FBXL17: variants seen among roughly 807,000 people sequenced by gnomAD.
FBXL17 encodes the protein F-box and leucine rich repeat protein 17, also known as F-box/LRR-repeat protein 17.
In FBXL17, 22 loss-of-function variants were observed where a neutral mutation model predicts 66.2. That is an observed-to-expected ratio of 0.33 (90% CI 0.24 to 0.47). The LOEUF is 0.47. FBXL17 is among the 20% of genes least tolerant of loss of function. FBXL17 has a pLI of 1.00. For missense variants in FBXL17, 878 were observed against 948.2 expected (o/e 0.93, Z 0.97); for synonymous variants, 474 against 400.5 (o/e 1.18, Z -2.19).
At chr5:108,240,161 C>CT (rs1561483087) in intron 4 of FBXL17, among the ~76,000 whole-genome samples, 2 of 152,080 alleles carry the variant, frequency 1.3e-5, no homozygotes, top group Admixed American at 1.3e-4. Context: ...GAAAAAAACT[C>CT]CTTCTACTTG....
At position 108,040,798 on chromosome 5, in the gene FBXL17, G is replaced by A. The variant is rs184922535; in HGVS notation, c.1746-19797C>T. ...GCTTTGTGGACATGAGGTTTTTACCGTGGAAGTTGACTAAGAGACATTAAA... is the reference window on the plus strand; with the variant it reads ...GCTTTGTGGACATGAGGTTTTTACCATGGAAGTTGACTAAGAGACATTAAA... On this transcript the variant is annotated intron_variant, in intron 6 of 8. Transcript: ENST00000542267. Among the ~76,000 whole-genome samples, 51 of 152,266 alleles carry A rather than the reference G, an allele frequency of 3.3e-4. 1 individual carries two copies. The East Asian group carries it at 9.1e-3, about 27-fold the overall frequency.
Position 107,965,739 on chromosome 5 carries a change from T to C in FBXL17, c.1822+55186A>G, listed in dbSNP as rs535942746. 1.1e-4 allele frequency among the ~76,000 whole-genome samples: 17 copies of C among 152,290 alleles called. No individual in the cohort carries two copies. In the East Asian group the frequency reaches 2.9e-3, roughly 26 times the overall value. On this transcript the variant is annotated intron_variant, in intron 7 of 8. Transcript: ENST00000542267. ...GAGGTATAGCCAGTTGAGGTTATAATGTTAGACACTCTGAATTAGGACCAA... is the reference window on the plus strand; with the variant it reads ...GAGGTATAGCCAGTTGAGGTTATAACGTTAGACACTCTGAATTAGGACCAA...
At chr5:107,939,182 A>G (rs972515311) in intron 7 of FBXL17, among the ~76,000 whole-genome samples, 1 of 152,146 alleles carries the variant, frequency 6.6e-6, no homozygotes, top group African/African-American at 2.4e-5. Context: ...GTATTATGCT[A>G]TTGGACATAG....
In FBXL17 at chr5:108,163,431, T is replaced by C. The variant is rs1438543523; in HGVS notation, c.1745+22686A>G. 4.7e-5 allele frequency among the ~76,000 whole-genome samples: 7 copies of C among 147,800 alleles called. No homozygotes were observed. The East Asian group carries it at 1.0e-3, about 21-fold the overall frequency. ...TTTTTTTTTTTTTGAGACAGAGTCTTGGTCTGTCGCCCAGGCTGGAGTGCA... is the reference window on the plus strand; with the variant it reads ...TTTTTTTTTTTTTGAGACAGAGTCTCGGTCTGTCGCCCAGGCTGGAGTGCA... On this transcript the variant is annotated intron_variant, in intron 6 of 8. Coordinates refer to ENST00000542267, the MANE Select transcript of FBXL17 (RefSeq NM_001163315.3).
chr5:107,911,724 T>C (rs981980138), intron 7 of FBXL17, among the ~76,000 whole-genome samples: 15 of 152,110 alleles, frequency 9.9e-5, no homozygotes, highest in African/African-American at 3.4e-4. Flanking sequence ...ATTAAATTCT[T>C]CTAAAAGCCA....
intron 4 of FBXL17, among the ~76,000 whole-genome samples, chr5:108,319,661 A>G (rs1163625734): frequency 6.6e-6 from 1 of 151,776 alleles, no homozygotes; most frequent in Non-Finnish European, 1.5e-5. Context: ...CAAAAATCTA[A>G]AAGTTATTAT....
chr5:107,946,933 A>G (rs540720571), intron 7 of FBXL17, among the ~76,000 whole-genome samples: 1 of 152,228 alleles, frequency 6.6e-6, no homozygotes, highest in Admixed American at 6.5e-5. Context: ...TTTTTTTCAT[A>G]TACCTTTTTG....
At chr5:108,373,054 G>A (rs1234502305) in intron 1 of FBXL17, among the ~76,000 whole-genome samples, 1 of 150,904 alleles carries the variant, frequency 6.6e-6, no homozygotes, top group Non-Finnish European at 1.5e-5. Flanking sequence ...AAACTAAACT[G>A]GTATTAATTC....
At chr5:108,232,805 A>ATAT (rs70996987) in intron 4 of FBXL17, among the ~76,000 whole-genome samples, 12 of 105,136 alleles carry the variant, frequency 1.1e-4, no homozygotes, top group East Asian at 2.6e-4. Context: ...ATATATATAT[A>ATAT]ATATATACTA....
chr5:107,963,254 G>A (rs1426997857), intron 7 of FBXL17, among the ~76,000 whole-genome samples: 1 of 152,096 alleles, frequency 6.6e-6, no homozygotes, highest in African/African-American at 2.4e-5. Flanking sequence ...TACATTGAGG[G>A]CCTATTGTGA....
intron 7 of FBXL17, 57 bp from the exon 8 acceptor site, chr5:107,881,236 T>C (rs1371243910): frequency 8.1e-6 from 8 of 983,638 alleles, no homozygotes; most frequent in Non-Finnish European, 1.2e-5. Context: ...GAGCTCTATC[T>C]TATTATGACT....
intron 6 of FBXL17, among the ~76,000 whole-genome samples, chr5:108,057,826 T>C (rs1441441605): frequency 6.6e-6 from 1 of 152,166 alleles, no homozygotes; most frequent in Non-Finnish European, 1.5e-5. Flanking sequence ...TCAATAATAA[T>C]TTTACCACTA....
chr5:107,883,111 A>AT (rs1748846979), intron 7 of FBXL17, among the ~76,000 whole-genome samples: 1 of 152,156 alleles, frequency 6.6e-6, no homozygotes, highest in Admixed American at 6.5e-5. Context: ...GCTCTAGAGC[A>AT]TTTTTGCCAA....
chr5:107,932,714 A>G (rs561020568), intron 7 of FBXL17, among the ~76,000 whole-genome samples: 1 of 152,316 alleles, frequency 6.6e-6, no homozygotes, highest in Non-Finnish European at 1.5e-5. Flanking sequence ...TCTAAATAAG[A>G]GTTATTACCT....
chr5:108,292,728 C>A (rs2150164584), intron 4 of FBXL17, among the ~76,000 whole-genome samples: 1 of 152,312 alleles, frequency 6.6e-6, no homozygotes, highest in South Asian at 2.1e-4. Context: ...CCATTAATGT[C>A]TTTCTCCTCC....
In FBXL17 at chr5:108,050,360, C is replaced by T. The variant is rs182101444; in HGVS notation, c.1746-29359G>A. Among the ~76,000 whole-genome samples, 7 of 152,318 alleles carry T rather than the reference C, an allele frequency of 4.6e-5. No individual in the cohort carries two copies. In the East Asian group the frequency reaches 1.3e-3, roughly 29 times the overall value. On this transcript the variant is annotated intron_variant, in intron 6 of 8. Coordinates refer to ENST00000542267, the MANE Select transcript of FBXL17 (RefSeq NM_001163315.3). ...GCAAAAGAACTGAAATCATAACAAA[C>T]ATCCTCTCAGACCACAGTGCAATCA...
At chr5:108,039,819 CA>C (rs1217789186) in intron 6 of FBXL17, among the ~76,000 whole-genome samples, 1 of 151,880 alleles carries the variant, frequency 6.6e-6, no homozygotes, top group African/African-American at 2.4e-5. Flanking sequence ...ATATAGTCCC[CA>C]TCTCAAAGAT....
intron 4 of FBXL17, among the ~76,000 whole-genome samples, chr5:108,279,475 C>A (rs1168569384): frequency 6.6e-6 from 1 of 151,842 alleles, no homozygotes; most frequent in Non-Finnish European, 1.5e-5. Flanking sequence ...CACAATCACA[C>A]ACAGACTTCA....
chr5:107,894,125 C>T (rs868113026), intron 7 of FBXL17, among the ~76,000 whole-genome samples: 9 of 152,114 alleles, frequency 5.9e-5, no homozygotes, highest in South Asian at 2.1e-4. Context: ...AGACCTCTCA[C>T]GGTATCTAAT....
Sources: allele counts gnomAD v4.1 joint callset (sites outside exome capture counted in the v4.1 genomes callset), GRCh38; gene constraint gnomAD v4.1.1; transcripts MANE v1.5; gene names NCBI Gene and HGNC (gene_info 2026-07-23, HGNC 2026-07-21).